SCAF8: variants seen among roughly 807,000 people sequenced by gnomAD.
SCAF8 encodes SR-related and CTD-associated factor 8.
A neutral mutation model predicts 140.5 loss-of-function variants in SCAF8; 23 were observed. The ratio of observed to expected loss-of-function variants is 0.16; its 90% CI spans 0.12 to 0.23. The LOEUF is 0.23. Ranked by LOEUF, SCAF8 falls within the 10% of genes least tolerant of loss-of-function variation. SCAF8 has a pLI of 1.00. For synonymous variants in SCAF8, 575 were observed against 528.9 expected, an observed-to-expected ratio of 1.09 and a Z score of -1.20; for missense variants, 1,397 against 1,555.7, an observed-to-expected ratio of 0.90 and a Z score of 1.72.
chr6:154,806,039 G>A (rs1777903909), intron 9 of SCAF8, among the ~76,000 whole-genome samples: 1 of 152,168 alleles, frequency 6.6e-6, no homozygotes. Flanking sequence ...GGAAGTGGAA[G>A]CTTGGTGAGA....
chr6:154,812,022 A>C (rs1778106738), intron 12 of SCAF8, among the ~76,000 whole-genome samples: 1 of 152,122 alleles, frequency 6.6e-6, no homozygotes, highest in African/African-American at 2.4e-5. Flanking sequence ...ATAGTTTTTA[A>C]CTGTGGAATT....
At chr6:154,804,170 G>A (rs995321291) in intron 8 of SCAF8, among the ~76,000 whole-genome samples, 4 of 152,118 alleles carry the variant, frequency 2.6e-5, no homozygotes, top group African/African-American at 7.2e-5. Flanking sequence ...TGTTGGAGGA[G>A]GCAGGGGTAG....
Position 154,810,063 on chromosome 6 carries a change from T to A in SCAF8, c.1275T>A (p.Arg425=). The A allele has an allele frequency of 1.9e-6, 3 of 1,612,798 alleles. No homozygotes were observed. Among genetic ancestry groups the A allele is most frequent in the Non-Finnish European group, 2.5e-6 (3 of 1,179,626 alleles). ...RSRSRSGSRK[R]KHRKRSRSRS... ...GGTCACGGTCTGGCTCTAGAAAGCG[T>A]AAACACAGAAAGCGATCACGCTCCC... is the stretch of plus-strand genomic sequence containing the variant. The change falls in exon 12 of 20, where the codon CGT becomes CGA. Residue 425 remains arginine (R), a synonymous_variant. Transcript: ENST00000367178.
At position 154,778,848 on chromosome 6, in the gene SCAF8, C is replaced by A. The variant is rs369885714; in HGVS notation, c.159+803C>A. Among the ~76,000 whole-genome samples, 4 of 150,334 alleles carry A rather than the reference C, an allele frequency of 2.7e-5. No individual in the cohort carries two copies. The East Asian group carries it at 7.8e-4, about 29-fold the overall frequency. ...CTTGGGGATTAAGTGGTTTAGGTAA[C>A]TTGAAGCTAAGATAAAGGGTTGAAT... On this transcript the variant is annotated intron_variant, in intron 3 of 19. Coordinates refer to ENST00000367178, the MANE Select transcript of SCAF8 (RefSeq NM_014892.5).
intron 14 of SCAF8, 120 bp from the exon 15 acceptor site, chr6:154,820,057 C>A (rs1295447399): frequency 1.0e-5 from 7 of 699,440 alleles, no homozygotes; most frequent in African/African-American, 3.8e-5. Flanking sequence ...GCTTTTCCAG[C>A]TGTTTTCTAA....
rs781005001 is a variant in SCAF8, at chr6:154,833,304, C to T, written c.3725C>T (p.Ser1242Phe). ...CCTGAACTTTATGAAAAACTGACAT[C>T]TTCAAATGAAATAAACAAGGAGAAG... Reference protein sequence around the residue: ...NDPELYEKLTSSNEINKEKSD... With the variant: ...NDPELYEKLTFSNEINKEKSD... Residue 1242 changes from serine (S) to phenylalanine (F), a missense_variant, in exon 20 of 20, where the codon TCT (serine) becomes TTT (phenylalanine). Around this residue, in one of 5 missense-constraint regions of SCAF8, gnomAD observed 930 missense variants for 874.6 expected, o/e 1.06. Transcript: ENST00000367178. 1 of 1,613,828 alleles carries T rather than the reference C, an allele frequency of 6.2e-7. No individual in the cohort carries two copies. Among genetic ancestry groups the T allele is most frequent in the Admixed American group, 1.7e-5 (1 of 59,994 alleles).
At chr6:154,822,894 A>G (rs1778460760) in intron 16 of SCAF8, among the ~76,000 whole-genome samples, 1 of 152,214 alleles carries the variant, frequency 6.6e-6, no homozygotes, top group Non-Finnish European at 1.5e-5. Context: ...TTTATTCTCA[A>G]TAGTGGTGAC....
chr6:154,753,150 G>A (rs1338778639), intron 1 of SCAF8, among the ~76,000 whole-genome samples: 3 of 151,980 alleles, frequency 2.0e-5, no homozygotes. Flanking sequence ...CCAACATGAT[G>A]AAACCCTGTC....
intron 1 of SCAF8, among the ~76,000 whole-genome samples, chr6:154,741,321 T>C (rs1778562166): frequency 6.6e-6 from 1 of 152,168 alleles, no homozygotes; most frequent in South Asian, 2.1e-4. Context: ...CATTCTAGAC[T>C]AGCATTGAAT....
intron 19 of SCAF8, 36 bp downstream of exon 19, chr6:154,831,176 G>A: frequency 7.5e-7 from 1 of 1,341,518 alleles, no homozygotes; most frequent in South Asian, 1.4e-5. Context: ...AAAAGAGGTT[G>A]CCTCTCTGTA....
At chr6:154,777,632 C>G (rs1017265205) in intron 2 of SCAF8, among the ~76,000 whole-genome samples, 7 of 152,144 alleles carry the variant, frequency 4.6e-5, no homozygotes, top group African/African-American at 1.7e-4. Context: ...TGTATGAAAT[C>G]TGTACTTTTC....
At chr6:154,748,529 C>CT (rs372335788) in intron 1 of SCAF8, among the ~76,000 whole-genome samples, 28 of 148,288 alleles carry the variant, frequency 1.9e-4, no homozygotes, top group Middle Eastern at 6.9e-3. Flanking sequence ...TACCATGTTA[C>CT]TTTTTTTTTT....
chr6:154,753,527 T>C (rs1778891395), intron 1 of SCAF8, among the ~76,000 whole-genome samples: 1 of 151,686 alleles, frequency 6.6e-6, no homozygotes, highest in Non-Finnish European at 1.5e-5. Context: ...TAATTCCAGC[T>C]ACTCGGGAGG....
intron 18 of SCAF8, among the ~76,000 whole-genome samples, chr6:154,829,889 G>A (rs1302685671): frequency 6.6e-6 from 1 of 152,152 alleles, no homozygotes; most frequent in South Asian, 2.1e-4. Context: ...CCTGGCAACC[G>A]AGCGAGAGAC....
At chr6:154,777,277 A>C (rs1423477812) in intron 2 of SCAF8, among the ~76,000 whole-genome samples, 5 of 152,168 alleles carry the variant, frequency 3.3e-5, no homozygotes, top group African/African-American at 1.2e-4. Context: ...TGGCATTAAA[A>C]TTTATTAGGC....
intron 3 of SCAF8, among the ~76,000 whole-genome samples, chr6:154,784,066 C>CA (rs1324605846): frequency 6.9e-5 from 10 of 144,042 alleles, no homozygotes; most frequent in South Asian, 2.2e-4. Context: ...GACTCCGTCT[C>CA]AAAAAAATAA....
chr6:154,751,402 ATTTTT>A, intron 1 of SCAF8, among the ~76,000 whole-genome samples: 1 of 151,722 alleles, frequency 6.6e-6, no homozygotes, highest in Non-Finnish European at 1.5e-5. Context: ...CTAATTTTGT[ATTTTT>A]TTGTTGAGAC....
At chr6:154,779,739 T>G (rs1334641032) in intron 3 of SCAF8, among the ~76,000 whole-genome samples, 3 of 151,516 alleles carry the variant, frequency 2.0e-5, no homozygotes, top group Non-Finnish European at 2.9e-5. Flanking sequence ...GCAACAGATT[T>G]GTGTAATGGT....
chr6:154,773,001 C>A (rs1249983018), intron 1 of SCAF8, among the ~76,000 whole-genome samples: 1 of 152,178 alleles, frequency 6.6e-6, no homozygotes, highest in Non-Finnish European at 1.5e-5. Context: ...CTCAGGTGAT[C>A]TACCTGTCTA....
Sources: gnomAD v4.1 joint callset for allele counts (sites outside exome capture counted in the v4.1 genomes callset) on GRCh38, gnomAD v4.1.1 for gene constraint, gnomAD v4.1.1 regional missense constraint, MANE v1.5 for transcripts, NCBI Gene and HGNC (gene_info 2026-07-23, HGNC 2026-07-21) for gene names.